Variants in GABRA4 observed in about 807,000 individuals in gnomAD.
The protein encoded by GABRA4 is gamma-aminobutyric acid type A receptor subunit alpha4.
A neutral mutation model predicts 49.7 loss-of-function variants in GABRA4; 12 were observed. The observed-to-expected ratio is 0.24, with a 90% CI of 0.15 to 0.39. The LOEUF is 0.39. Ranked by LOEUF, GABRA4 falls within the 10% of genes least tolerant of loss-of-function variation. The probability of loss-of-function intolerance (pLI) is 1.00; values close to 1 mark genes in which losing one functional copy is unlikely to be tolerated. For missense variants in GABRA4, 506 were observed against 686.0 expected (o/e 0.74, Z 2.93); for synonymous variants, 288 against 240.2 (o/e 1.20, Z -1.84).
At chr4:46,938,944 C>A (rs1198168297) in intron 8 of GABRA4, among the ~76,000 whole-genome samples, 2 of 151,874 alleles carry the variant, frequency 1.3e-5, no homozygotes, top group Admixed American at 1.3e-4. Flanking sequence ...AAAATAAACA[C>A]AAAATGGTAT....
intron 5 of GABRA4, among the ~76,000 whole-genome samples, chr4:46,975,444 G>A (rs1217882597): frequency 6.6e-6 from 1 of 151,760 alleles, no homozygotes; most frequent in Non-Finnish European, 1.5e-5. Flanking sequence ...TCCTTCCTTT[G>A]GCTACCCTAC....
At chr4:46,936,176 A>G (rs926706025) in intron 8 of GABRA4, among the ~76,000 whole-genome samples, 6 of 152,186 alleles carry the variant, frequency 3.9e-5, no homozygotes, top group African/African-American at 1.4e-4. Flanking sequence ...AAGTGTTTCA[A>G]TGTCTAAAAA....
chr4:46,943,127 T>A (rs531377488), intron 8 of GABRA4, among the ~76,000 whole-genome samples: 1 of 152,238 alleles, frequency 6.6e-6, no homozygotes, highest in South Asian at 2.1e-4. Flanking sequence ...TTATGGAACT[T>A]ACATTCTTGC....
At chr4:46,987,177 A>G (rs934527618) in intron 2 of GABRA4, among the ~76,000 whole-genome samples, 6 of 152,032 alleles carry the variant, frequency 3.9e-5, no homozygotes, top group Non-Finnish European at 1.5e-5. Context: ...TACCACACTG[A>G]TCCCCTTTTA....
At chr4:46,944,449 C>G (rs941736613) in intron 8 of GABRA4, among the ~76,000 whole-genome samples, 29 of 152,110 alleles carry the variant, frequency 1.9e-4, no homozygotes, top group African/African-American at 6.3e-4. Context: ...TTCTTCTTTT[C>G]CTTCTCACTT....
chr4:46,920,420 T>G lies in GABRA4; in HGVS notation c.*7805A>C, dbSNP rs1370590847. 1 of 151,500 alleles carries G rather than the reference T, an allele frequency of 6.6e-6. No individual in the cohort carries two copies. The highest frequency in any genetic ancestry group is 2.4e-5 in the African/African-American group (1 of 41,340). 9.4% of individuals were successfully genotyped at this position (151,500 alleles called of 1,614,324 possible). A position where few individuals can be genotyped will look rare whatever the true frequency, so the allele number is the denominator to read the frequency against. On this transcript the variant is annotated 3_prime_UTR_variant, in exon 9 of 9. Coordinates refer to ENST00000264318, the MANE Select transcript of GABRA4 (RefSeq NM_000809.4). ...ATGAGAAAATATAAAATATGAGACA[T>G]ATGAGAAAATATGAAATATGAGACA... is the stretch of plus-strand genomic sequence containing the variant.
chr4:46,981,316 T>C (rs1723347870), intron 2 of GABRA4, among the ~76,000 whole-genome samples: 1 of 152,128 alleles, frequency 6.6e-6, no homozygotes, highest in Admixed American at 6.6e-5. Flanking sequence ...GGGCGTATGC[T>C]AATTCTTATA....
At chr4:46,963,425 T>C (rs1485780154) in intron 8 of GABRA4, among the ~76,000 whole-genome samples, 1 of 151,792 alleles carries the variant, frequency 6.6e-6, no homozygotes, top group African/African-American at 2.4e-5. Context: ...TGTGCTATTC[T>C]TGTGATAGTG....
intron 7 of GABRA4, among the ~76,000 whole-genome samples, chr4:46,969,866 T>C (rs1336995818): frequency 1.3e-5 from 2 of 151,486 alleles, no homozygotes; most frequent in South Asian, 2.1e-4. Context: ...CTTTGAGTTG[T>C]GCAGTTATTC....
chr4:46,978,250 A>G (rs189736046), intron 3 of GABRA4, among the ~76,000 whole-genome samples: 6 of 152,212 alleles, frequency 3.9e-5, no homozygotes, highest in African/African-American at 1.4e-4. Flanking sequence ...ATGAGTGAGA[A>G]GGAGGCAGAA....
In GABRA4 at chr4:46,928,250, A is replaced by G. The variant is rs766842096; in HGVS notation, c.1640T>C (p.Met547Thr). ...TTACATTAGACTTTCTGATTTCTCCATAGTGTCCTTAGATAAATAAACAAC... is the reference window on the plus strand; with the variant it reads ...TTACATTAGACTTTCTGATTTCTCCGTAGTGTCCTTAGATAAATAAACAAC... ...YWVVYLSKDT[M>T]EKSESLM Residue 547 changes from methionine (M) to threonine (T), a missense_variant, in exon 9 of 9, where the codon ATG becomes ACG. Met to Thr is a moderately conservative substitution (Grantham distance 81, BLOSUM62 -1). Transcript: ENST00000264318. The G allele has an allele frequency of 1.9e-6, 3 of 1,611,398 alleles. No individual in the cohort carries two copies. The highest frequency in any genetic ancestry group is 2.2e-5 in the East Asian group (1 of 44,862).
intron 2 of GABRA4, among the ~76,000 whole-genome samples, chr4:46,986,635 T>A (rs1723550701): frequency 6.6e-6 from 1 of 152,036 alleles, no homozygotes; most frequent in South Asian, 2.1e-4. Context: ...TCTTTTTAGA[T>A]TTCTAGCTTT....
At chr4:46,976,082 A>G (rs1317642410) in intron 5 of GABRA4, among the ~76,000 whole-genome samples, 1 of 151,922 alleles carries the variant, frequency 6.6e-6, no homozygotes, top group Non-Finnish European at 1.5e-5. Context: ...TTCTGATTGA[A>G]TTGAAAATGT....
rs1412242128 is a variant in GABRA4 at position 46,971,066 on chromosome 4, A to G, written c.874+17T>C. ...TGTAATGTGAACAAAAACGCCCAAG[A>G]AATGAATTGCAATTACCAAATACAG... On this transcript the variant is annotated intron_variant, in intron 7 of 8. Transcript: ENST00000264318. The G allele has an allele frequency of 2.4e-5, 38 of 1,595,476 alleles. No individual in the cohort carries two copies. Among genetic ancestry groups the G allele is most frequent in the Non-Finnish European group, 3.1e-5 (36 of 1,172,280 alleles).
Position 46,921,506 on chromosome 4 carries a change from C to A in GABRA4, c.*6719G>T, listed in dbSNP as rs924454964. The A allele has an allele frequency of 5.9e-5, 9 of 152,016 alleles. No individual in the cohort carries two copies. The highest frequency in any genetic ancestry group is 2.2e-4 in the African/African-American group (9 of 41,416). The allele number at this position is 152,016 out of a possible 1,614,324, so 9.4% of individuals were successfully genotyped here. A position where few individuals can be genotyped will look rare whatever the true frequency, so the allele number is the denominator to read the frequency against. On this transcript the variant is annotated 3_prime_UTR_variant, in exon 9 of 9. Transcript: ENST00000264318. ...AGAATTTATTTTTTATACAGGAGTT[C>A]TTTCTATCAGCTTCCTAGTCCTTCT... is the stretch of plus-strand genomic sequence containing the variant.
chr4:46,950,687 G>T (rs552806512), intron 8 of GABRA4, among the ~76,000 whole-genome samples: 3 of 128,466 alleles, frequency 2.3e-5, no homozygotes, highest in East Asian at 5.1e-4. Context: ...GCCCTCCCAC[G>T]TTTTTTTAAG....
At chr4:46,937,918 T>G (rs1721653810) in intron 8 of GABRA4, among the ~76,000 whole-genome samples, 1 of 152,138 alleles carries the variant, frequency 6.6e-6, no homozygotes, top group Admixed American at 6.6e-5. Flanking sequence ...AGACAGTGAG[T>G]GATTATGACT....
rs529679033 is a variant in GABRA4 at position 46,958,720 on chromosome 4, C to G, written c.1134+6250G>C. Among the ~76,000 whole-genome samples, 5 of 152,016 alleles carry G rather than the reference C, an allele frequency of 3.3e-5. 2 individuals are homozygous for G. The highest frequency in any genetic ancestry group is 1.2e-4 in the African/African-American group (5 of 41,522). On this transcript the variant is annotated intron_variant, in intron 8 of 8. Transcript: ENST00000264318. Reference sequence around the variant, plus strand: ...TTTAGATTCCACCAATTGGACTTTTCTCCTTGCTTCATGAATATTCCATGA... The same window carrying G: ...TTTAGATTCCACCAATTGGACTTTTGTCCTTGCTTCATGAATATTCCATGA...
intron 2 of GABRA4, among the ~76,000 whole-genome samples, chr4:46,990,851 G>A (rs1196335174): frequency 6.6e-6 from 1 of 152,186 alleles, no homozygotes; most frequent in African/African-American, 2.4e-5. Flanking sequence ...AGAAGCAGGA[G>A]AAAGTTTCAT....
Sources: gnomAD v4.1 joint callset for allele counts (sites outside exome capture counted in the v4.1 genomes callset) on GRCh38, gnomAD v4.1.1 for gene constraint, MANE v1.5 for transcripts, NCBI Gene and HGNC (gene_info 2026-07-23, HGNC 2026-07-21) for gene names.